Variants in TENM2 observed in about 807,000 individuals in gnomAD.
TENM2 encodes the protein teneurin transmembrane protein 2.
A neutral mutation model predicts 245.2 loss-of-function variants in TENM2; 52 were observed. The observed-to-expected ratio is 0.21, with a 90% CI of 0.17 to 0.27. TENM2 has a LOEUF of 0.27. TENM2 is among the 10% of genes least tolerant of loss of function. TENM2 has a pLI of 1.00. For synonymous variants in TENM2, 1,363 were observed against 1,438.9 expected (o/e 0.95, Z 1.19); for missense variants, 3,046 against 3,666.8 (o/e 0.83, Z 4.37).
intron 2 of TENM2, among the ~76,000 whole-genome samples, chr5:167,473,710 C>G (rs1767183172): frequency 1.3e-5 from 2 of 152,134 alleles, no homozygotes; most frequent in Admixed American, 1.3e-4. Context: ...GAATCCAGAA[C>G]AGGATCACAT....
At chr5:167,983,191 A>G (rs938499792) in intron 4 of TENM2, among the ~76,000 whole-genome samples, 3 of 152,202 alleles carry the variant, frequency 2.0e-5, no homozygotes, top group African/African-American at 7.2e-5. Context: ...AAGAAAAAAA[A>G]AAAAGACTCT....
chr5:167,629,420 A>G (rs1778721465), intron 2 of TENM2, among the ~76,000 whole-genome samples: 2 of 152,226 alleles, frequency 1.3e-5, no homozygotes, highest in Non-Finnish European at 2.9e-5. Flanking sequence ...ATTCATTAAT[A>G]CTTATTTATT....
the TENM2 span, among the ~76,000 whole-genome samples, chr5:167,008,032 C>G: frequency 6.6e-6 from 1 of 152,178 alleles, no homozygotes. Context: ...ACAGTGGCCT[C>G]CCTCCCTTCC....
At chr5:167,073,789 T>C in the TENM2 span, among the ~76,000 whole-genome samples, 1 of 152,212 alleles carries the variant, frequency 6.6e-6, no homozygotes. Flanking sequence ...CTTGGCCCTC[T>C]TGATCTGTTA....
chr5:167,034,161 G>A, the TENM2 span, among the ~76,000 whole-genome samples: 3 of 152,044 alleles, frequency 2.0e-5, no homozygotes, highest in African/African-American at 7.2e-5. Context: ...CTAGCCCTTT[G>A]GTATAATGCT....
At chr5:167,554,775 C>T (rs1455111050) in intron 2 of TENM2, among the ~76,000 whole-genome samples, 1 of 152,038 alleles carries the variant, frequency 6.6e-6, no homozygotes, top group African/African-American at 2.4e-5. Context: ...ATCAGTGTGA[C>T]CAAGAAGTGG....
intron 2 of TENM2, among the ~76,000 whole-genome samples, chr5:167,514,110 A>C (rs894643374): frequency 5.9e-5 from 9 of 152,168 alleles, no homozygotes; most frequent in Non-Finnish European, 1.3e-4. Flanking sequence ...TGGCCCCATG[A>C]CTTTGCATAG....
At chr5:168,176,346 C>T (rs996283627) in intron 13 of TENM2, among the ~76,000 whole-genome samples, 2 of 152,194 alleles carry the variant, frequency 1.3e-5, no homozygotes, top group Admixed American at 6.5e-5. Context: ...TCTCTCTCTT[C>T]CTCGTCCTCT....
At chr5:166,988,854 T>C in the TENM2 span, among the ~76,000 whole-genome samples, 2 of 152,192 alleles carry the variant, frequency 1.3e-5, no homozygotes, top group Admixed American at 1.3e-4. Context: ...TAACGGTCCC[T>C]GGCTCACCAT....
chr5:167,554,295 AGAAAAGAT>A (rs948548886), intron 2 of TENM2, among the ~76,000 whole-genome samples: 2 of 152,238 alleles, frequency 1.3e-5, no homozygotes, highest in Non-Finnish European at 2.9e-5. Context: ...TACTCTAAAT[AGAAAAGAT>A]GATAACCCAG....
chr5:167,766,522 A>G (rs1327708491), intron 2 of TENM2, among the ~76,000 whole-genome samples: 2 of 152,202 alleles, frequency 1.3e-5, no homozygotes, highest in African/African-American at 2.4e-5. Flanking sequence ...ACATCCATTC[A>G]AATGGCTATT....
At chr5:167,661,349 AT>A (rs1240186168) in intron 2 of TENM2, among the ~76,000 whole-genome samples, 1 of 152,150 alleles carries the variant, frequency 6.6e-6, no homozygotes, top group Non-Finnish European at 1.5e-5. Flanking sequence ...ACTCTGGCTC[AT>A]TTTTCCAACT....
chr5:167,580,728 G>A (rs1346286264), intron 2 of TENM2, among the ~76,000 whole-genome samples: 1 of 152,242 alleles, frequency 6.6e-6, no homozygotes, highest in African/African-American at 2.4e-5. Flanking sequence ...AGTGGCTCAT[G>A]CCTATAATCC....
intron 13 of TENM2, chr5:168,185,318 G>T (rs1462300801): frequency 6.6e-6 from 1 of 152,218 alleles, no homozygotes; most frequent in African/African-American, 2.4e-5. Context: ...ATCCTCTATA[G>T]GTGGGTATAG....
At chr5:168,178,037 T>G (rs1311147388) in intron 13 of TENM2, among the ~76,000 whole-genome samples, 3 of 152,168 alleles carry the variant, frequency 2.0e-5, no homozygotes, top group Non-Finnish European at 2.9e-5. Context: ...GGGCATTTCT[T>G]TATGCAGCAG....
chr5:167,981,325 C>A (rs906691681), intron 4 of TENM2, among the ~76,000 whole-genome samples: 1 of 152,170 alleles, frequency 6.6e-6, no homozygotes. Context: ...ATGGCTCCTG[C>A]ACAACTGGAG....
the TENM2 span, among the ~76,000 whole-genome samples, chr5:167,236,881 CTTT>C: frequency 1.4e-5 from 2 of 141,390 alleles, no homozygotes; most frequent in Admixed American, 7.1e-5. Context: ...ACTTCTATAC[CTTT>C]TTTTTTTTTT....
At chr5:168,071,481 T>C (rs919786861) in intron 7 of TENM2, among the ~76,000 whole-genome samples, 3 of 152,212 alleles carry the variant, frequency 2.0e-5, no homozygotes, top group Non-Finnish European at 4.4e-5. Context: ...ATCATTTTTA[T>C]AAACACAGGA....
At chr5:167,022,537 T>C in the TENM2 span, among the ~76,000 whole-genome samples, 1 of 152,264 alleles carries the variant, frequency 6.6e-6, no homozygotes, top group Admixed American at 6.5e-5. Context: ...CCTGTATTTT[T>C]ATTTTCTAAA....
Sources: gnomAD v4.1 joint callset for allele counts (sites outside exome capture counted in the v4.1 genomes callset) on GRCh38, gnomAD v4.1.1 for gene constraint, MANE v1.5 for transcripts, NCBI Gene and HGNC (gene_info 2026-07-23, HGNC 2026-07-21) for gene names.